TSHZ1: variants seen among roughly 807,000 people sequenced by gnomAD.
TSHZ1 encodes the protein teashirt homolog 1.
Under a neutral mutation model 67.1 loss-of-function variants are expected in TSHZ1, and 12 were observed. The observed-to-expected ratio is 0.18, with a 90% confidence interval of 0.11 to 0.29. The LOEUF is 0.29. Among genes scored for constraint, TSHZ1 ranks in the 10% least tolerant of loss-of-function variants. The pLI, the probability that TSHZ1 is intolerant of heterozygous loss-of-function variation, is 1.00. For synonymous variants in TSHZ1, 632 were observed against 622.4 expected, an observed-to-expected ratio of 1.02 and a Z score of -0.23; for missense variants, 1,305 against 1,413.9, an observed-to-expected ratio of 0.92 and a Z score of 1.23.
At chr18:75,253,171 A>G (rs2023324522) in intron 1 of TSHZ1, among the ~76,000 whole-genome samples, 1 of 152,120 alleles carries the variant, frequency 6.6e-6, no homozygotes, top group Non-Finnish European at 1.5e-5. Flanking sequence ...TCCTTTGTGA[A>G]TGGACTTTTC....
chr18:75,238,406 A>G (rs2023108989), intron 1 of TSHZ1, among the ~76,000 whole-genome samples: 1 of 152,144 alleles, frequency 6.6e-6, no homozygotes, highest in African/African-American at 2.4e-5. Flanking sequence ...AAGCTCTAAG[A>G]TGACTAAGAA....
At chr18:75,253,039 T>C (rs562798981) in intron 1 of TSHZ1, among the ~76,000 whole-genome samples, 1 of 152,322 alleles carries the variant, frequency 6.6e-6, no homozygotes, top group Non-Finnish European at 1.5e-5. Flanking sequence ...AAATTTTCCA[T>C]TCTAAAAACA....
intron 1 of TSHZ1, chr18:75,280,683 G>A (rs1484050297): frequency 2.1e-6 from 2 of 939,094 alleles, no homozygotes; most frequent in African/African-American, 1.8e-5. Context: ...AGGTGTTTCA[G>A]TGATAACTTA....
chr18:75,244,085 A>G (rs910662851), intron 1 of TSHZ1, among the ~76,000 whole-genome samples: 4 of 152,174 alleles, frequency 2.6e-5, no homozygotes, highest in African/African-American at 4.8e-5. Flanking sequence ...GACTAGCTAG[A>G]TCGGAGCAGG....
intron 1 of TSHZ1, among the ~76,000 whole-genome samples, chr18:75,212,151 G>A (rs981261097): frequency 6.6e-6 from 1 of 152,204 alleles, no homozygotes; most frequent in African/African-American, 2.4e-5. Flanking sequence ...CTGCGCTGCG[G>A]GAAGCCCGGA....
intron 1 of TSHZ1, among the ~76,000 whole-genome samples, chr18:75,238,081 G>C (rs552973704): frequency 6.6e-6 from 1 of 152,132 alleles, no homozygotes. Context: ...GATTACAAGC[G>C]TGAGCCACCA....
At chr18:75,266,578 G>C (rs1404550846) in intron 1 of TSHZ1, among the ~76,000 whole-genome samples, 1 of 152,228 alleles carries the variant, frequency 6.6e-6, no homozygotes, top group Non-Finnish European at 1.5e-5. Flanking sequence ...ACAGGTCACA[G>C]TCTTATATTC....
In TSHZ1 at chr18:75,285,608, G is replaced by A. The variant is rs928284275; in HGVS notation, c.201G>A (p.Ala67=). ...QSYQNSPVSS[A]TNQDAGYGSP... The stretch of plus-strand genomic sequence containing the variant: ...ACCAGAACTCCCCAGTCAGCTCTGC[G>A]ACTAACCAGGACGCCGGCTACGGGT... Residue 67 remains alanine, a synonymous_variant, in exon 2 of 2, where the codon GCG becomes GCA. Transcript: ENST00000580243. The A allele has an allele frequency of 3.1e-6, 5 of 1,611,822 alleles. No homozygotes were observed. Among genetic ancestry groups the A allele is most frequent in the Admixed American group, 1.7e-5 (1 of 59,932 alleles).
intron 1 of TSHZ1, among the ~76,000 whole-genome samples, chr18:75,229,262 TC>T (rs1329676144): frequency 2.6e-5 from 4 of 152,238 alleles, no homozygotes; most frequent in Non-Finnish European, 5.9e-5. Context: ...CTAAAAGCCC[TC>T]TTTGGCTTTT....
At chr18:75,226,489 T>C (rs1242254759) in intron 1 of TSHZ1, among the ~76,000 whole-genome samples, 22 of 152,240 alleles carry the variant, frequency 1.4e-4, no homozygotes, top group Non-Finnish European at 3.2e-4. Flanking sequence ...AATGTAGCTT[T>C]TATTTATCAC....
intron 1 of TSHZ1, among the ~76,000 whole-genome samples, chr18:75,260,010 T>C (rs1420492057): frequency 6.6e-6 from 1 of 152,236 alleles, no homozygotes; most frequent in African/African-American, 2.4e-5. Context: ...TTTGTACTGA[T>C]GCCTTTCAGG....
chr18:75,263,622 T>C (rs1168842869), intron 1 of TSHZ1, among the ~76,000 whole-genome samples: 1 of 152,214 alleles, frequency 6.6e-6, no homozygotes, highest in Non-Finnish European at 1.5e-5. Context: ...CATCTTGGGA[T>C]TAAACCACAG....
chr18:75,234,161 C>T (rs751403286), intron 1 of TSHZ1, among the ~76,000 whole-genome samples: 5 of 152,156 alleles, frequency 3.3e-5, no homozygotes, highest in Non-Finnish European at 7.3e-5. Context: ...AGCCACACGG[C>T]CAGTGAATAC....
chr18:75,279,718 C>T (rs903108236), intron 1 of TSHZ1, among the ~76,000 whole-genome samples: 4 of 152,178 alleles, frequency 2.6e-5, no homozygotes, highest in Non-Finnish European at 5.9e-5. Flanking sequence ...GGTTCCAAAT[C>T]CCCTTTCATT....
At chr18:75,262,197 C>G (rs780442726) in intron 1 of TSHZ1, among the ~76,000 whole-genome samples, 3 of 152,134 alleles carry the variant, frequency 2.0e-5, no homozygotes, top group Non-Finnish European at 2.9e-5. Context: ...TTATTTTGCT[C>G]CAATAGGTTA....
Position 75,286,646 on chromosome 18 carries a change from G to A in TSHZ1, c.1239G>A (p.Ala413=), listed in dbSNP as rs373193244. 94 of 1,614,072 alleles carry A rather than the reference G, an allele frequency of 5.8e-5. No individual in the cohort carries two copies. The highest frequency in any genetic ancestry group is 7.3e-5 in the Non-Finnish European group (86 of 1,180,062). Reference sequence around the variant, plus strand: ...CCTGGCAGTTTGAGGCCCGCAAGGCGCAGATCCTCAAGTGCATGGAGTGTG... The same window carrying A: ...CCTGGCAGTTTGAGGCCCGCAAGGCACAGATCCTCAAGTGCATGGAGTGTG... ...SYTWQFEARK[A]QILKCMECGS... Residue 413 remains alanine, a synonymous_variant, in exon 2 of 2, where the codon GCG becomes GCA. Transcript: ENST00000580243. This position sits in a 1 kb window ranked among gnomAD's most constrained non-coding sequence, Gnocchi z 5.1.
rs370113189 is a variant in TSHZ1 at position 75,232,796 on chromosome 18, C to G, written c.40+20880C>G. On this transcript the variant is annotated intron_variant, in intron 1 of 1. Coordinates refer to ENST00000580243, the MANE Select transcript of TSHZ1 (RefSeq NM_001308210.2). ...TTTGAAAAGAAATTTAGTGCATATA[C>G]TGTATATTTTGCAACATCCTCAGCT... Among the ~76,000 whole-genome samples, 20 of 152,332 alleles carry G rather than the reference C, an allele frequency of 1.3e-4. No homozygotes were observed. In the East Asian group the frequency reaches 3.7e-3, roughly 28 times the overall value.
chr18:75,245,096 C>A (rs1322424814), intron 1 of TSHZ1: 1 of 152,152 alleles, frequency 6.6e-6, no homozygotes, highest in African/African-American at 2.4e-5. Flanking sequence ...TTAGATTTTC[C>A]TTCCATTAAA....
chr18:75,283,853 C>G (rs1197780831), intron 1 of TSHZ1: 1 of 152,210 alleles, frequency 6.6e-6, no homozygotes, highest in Non-Finnish European at 1.5e-5. Flanking sequence ...GGCATCCTCC[C>G]TTTGGGCGGC....
Sources: allele counts gnomAD v4.1 joint callset (sites outside exome capture counted in the v4.1 genomes callset), GRCh38; gene constraint gnomAD v4.1.1; non-coding constraint Gnocchi (gnomAD v3.1); transcripts MANE v1.5; gene names NCBI Gene and HGNC (gene_info 2026-07-23, HGNC 2026-07-21).